Variants in MAPK8IP1 observed in about 807,000 individuals in gnomAD.
The protein encoded by MAPK8IP1 is mitogen-activated protein kinase 8 interacting protein 1.
Under a neutral mutation model 72.6 loss-of-function variants are expected in MAPK8IP1, and 17 were observed. That is an observed-to-expected ratio of 0.23 (90% CI 0.16 to 0.35). The LOEUF is 0.35. Ranked by LOEUF, MAPK8IP1 falls within the 10% of genes least tolerant of loss-of-function variation. The pLI, the probability that MAPK8IP1 is intolerant of heterozygous loss-of-function variation, is 1.00. For synonymous variants in MAPK8IP1, 401 were observed against 443.4 expected, an observed-to-expected ratio of 0.90 and a Z score of 1.20; for missense variants, 789 against 1,009.7, an observed-to-expected ratio of 0.78 and a Z score of 2.96.
Position 45,900,432 on chromosome 11 carries a change from C to T in MAPK8IP1, c.502C>T (p.Pro168Ser), listed in dbSNP as rs991127635. 2 of 1,532,356 alleles carry T rather than the reference C, an allele frequency of 1.3e-6. No homozygotes were observed. Among genetic ancestry groups the T allele is most frequent in the Admixed American group, 2.0e-5 (1 of 50,912 alleles). 94.9% of individuals were successfully genotyped at this position (1,532,356 alleles called of 1,614,324 possible). ...GCGGCCCACCACGCTCAACCTCTTT[C>T]CGCAGGTGCCGCGGTCTCAGGTGAG... ...PKRPTTLNLF[P>S]QVPRSQDTLN... Residue 168 changes from proline (P) to serine (S), a missense_variant, in exon 3 of 12, where the codon CCG becomes TCG. Around this residue, in one of 4 missense-constraint regions of MAPK8IP1, gnomAD observed 112 missense variants for 192.8 expected, o/e 0.58. Coordinates refer to ENST00000241014, the MANE Select transcript of MAPK8IP1 (RefSeq NM_005456.4). This position sits in a 1 kb window ranked among gnomAD's most constrained non-coding sequence, Gnocchi z 6.5.
At chr11:45,885,971 C>A in intron 1 of MAPK8IP1, 50 bp downstream of exon 1, 1 of 1,248,108 alleles carries the variant, frequency 8.0e-7, no homozygotes, top group Non-Finnish European at 1.1e-6. Flanking sequence ...GGGACTGATC[C>A]GCATTGGCTG....
chr11:45,905,384 C>A, intron 11 of MAPK8IP1, 135 bp downstream of exon 11: 1 of 909,280 alleles, frequency 1.1e-6, no homozygotes, highest in Non-Finnish European at 1.8e-6. Context: ...GACCCCAGTG[C>A]GGGTGGCCTG....
chr11:45,893,233 G>A (rs2086579860), intron 1 of MAPK8IP1, among the ~76,000 whole-genome samples: 2 of 147,312 alleles, frequency 1.4e-5, no homozygotes, highest in African/African-American at 5.4e-5. Context: ...AGCCTACTAC[G>A]GAGCTGAAAT....
chr11:45,893,895 G>A (rs1041412443), intron 1 of MAPK8IP1, among the ~76,000 whole-genome samples: 20 of 151,156 alleles, frequency 1.3e-4, no homozygotes, highest in African/African-American at 4.6e-4. Flanking sequence ...TCCATAAAGG[G>A]ACCCCCCAGG....
At position 45,904,897 on chromosome 11, in the gene MAPK8IP1, T is replaced by C. The variant is rs923531788; in HGVS notation, c.1893+63T>C. ...CCAAGCTCTCCCCCAAGACTTGTGA[T>C]GAAGAGGCCATCTCCTGTCACCCTC... On this transcript the variant is annotated intron_variant, in intron 9 of 11. Transcript: ENST00000241014. The surrounding 1 kb of genome is among the most constrained non-coding windows in gnomAD (Gnocchi z 6.4). The C allele has an allele frequency of 1.8e-5, 29 of 1,602,880 alleles. No homozygotes were observed. The highest frequency in any genetic ancestry group is 1.7e-4 in the Middle Eastern group (1 of 6,056).
intron 1 of MAPK8IP1, among the ~76,000 whole-genome samples, chr11:45,891,691 T>G (rs904283198): frequency 6.6e-6 from 1 of 152,248 alleles, no homozygotes; most frequent in Admixed American, 6.5e-5. Flanking sequence ...TCTTCCTGTG[T>G]GCAATATCAT....
chr11:45,891,812 TCTG>T lies in MAPK8IP1; in HGVS notation c.101+5895_101+5897del, dbSNP rs1297270105. Among the ~76,000 whole-genome samples, 4 of 152,354 alleles carry T rather than the reference TCTG, an allele frequency of 2.6e-5. No homozygotes were observed. The East Asian group carries it at 7.7e-4, about 29-fold the overall frequency. The stretch of plus-strand genomic sequence containing the variant: ...TTCCAAAAGACTGCATCACATTTCA[TCTG>T]CTGATGGCCACGATGGAACCAGCCC... On this transcript the variant is annotated intron_variant, in intron 1 of 11. Transcript: ENST00000241014.
chr11:45,903,195 A>G lies in MAPK8IP1; in HGVS notation c.1417+11A>G. ...GCTCCCGCTCCTCCAGTGAGTCAGC[A>G]AGGGGAAGCAGTGGGGTGGGGGGGT... On this transcript the variant is annotated intron_variant, in intron 5 of 11. Transcript: ENST00000241014. The surrounding 1 kb of genome is among the most constrained non-coding windows in gnomAD (Gnocchi z 6.4). 9 of 1,596,656 alleles carry G rather than the reference A, an allele frequency of 5.6e-6. No individual in the cohort carries two copies. The highest frequency in any genetic ancestry group is 7.7e-6 in the Non-Finnish European group (9 of 1,171,906).
At chr11:45,896,921 C>G in intron 1 of MAPK8IP1, 1 of 1,573,408 alleles carries the variant, frequency 6.4e-7, no homozygotes, top group Non-Finnish European at 8.6e-7. Context: ...CAGACAATGA[C>G]AGCTGGTTGG....
intron 1 of MAPK8IP1, chr11:45,896,685 G>A: frequency 7.1e-7 from 1 of 1,407,698 alleles, no homozygotes; most frequent in Non-Finnish European, 9.2e-7. Context: ...GTCGGCAGCT[G>A]CAGCCTCCTC....
intron 1 of MAPK8IP1, among the ~76,000 whole-genome samples, chr11:45,895,697 G>A (rs1349186305): frequency 6.7e-6 from 1 of 149,702 alleles, no homozygotes; most frequent in East Asian, 2.0e-4. Flanking sequence ...GGCATTTCAG[G>A]GCACCTCTGG....
chr11:45,896,748 C>A (rs938926825), intron 1 of MAPK8IP1: 9 of 1,475,790 alleles, frequency 6.1e-6, no homozygotes, highest in Non-Finnish European at 8.1e-6. Context: ...GCAGGCAGGA[C>A]GCAGAAAGAC....
Position 45,903,356 on chromosome 11 carries a change from C to T in MAPK8IP1, c.1418-9C>T. ...GACCCCCCATCCAGCCACACCACCT[C>T]ACCTGCAGGTGCTGAGTCCTTCGGG... On this transcript the variant is annotated splice_polypyrimidine_tract_variant and intron_variant, in intron 5 of 11. Transcript: ENST00000241014. The surrounding 1 kb of genome is among the most constrained non-coding windows in gnomAD (Gnocchi z 6.4). The T allele has an allele frequency of 6.2e-7, 1 of 1,613,552 alleles. No homozygotes were observed. The highest frequency in any genetic ancestry group is 8.5e-7 in the Non-Finnish European group (1 of 1,179,786).
chr11:45,886,333 G>A (rs935792183), intron 1 of MAPK8IP1, among the ~76,000 whole-genome samples: 2 of 152,202 alleles, frequency 1.3e-5, no homozygotes, highest in Non-Finnish European at 2.9e-5. Context: ...AGTTTCCTGG[G>A]GCAACGACAT....
intron 1 of MAPK8IP1, among the ~76,000 whole-genome samples, chr11:45,896,250 C>G (rs2086604222): frequency 6.6e-6 from 1 of 152,236 alleles, no homozygotes; most frequent in African/African-American, 2.4e-5. Context: ...AAGGAGGCAG[C>G]CCAGATCAAA....
chr11:45,899,352 CT>C (rs1285448388), intron 2 of MAPK8IP1, among the ~76,000 whole-genome samples: 1 of 152,272 alleles, frequency 6.6e-6, no homozygotes, highest in Non-Finnish European at 1.5e-5. Flanking sequence ...AGGTGTGCCC[CT>C]AAGGGGCCTC....
rs1237864052 is a variant in MAPK8IP1 at position 45,902,221 on chromosome 11, T to C, written c.605-151T>C. On this transcript the variant is annotated intron_variant, in intron 4 of 11. Transcript: ENST00000241014. This position sits in a 1 kb window ranked among gnomAD's most constrained non-coding sequence, Gnocchi z 9.3. ...CCAGGGGCTGAGATCAGTGGTGGCA[T>C]GAGTGAGTTGACTGGCCCCAGAGCC... The C allele has an allele frequency of 3.2e-6, 3 of 949,356 alleles. No homozygotes were observed. The highest frequency in any genetic ancestry group is 5.1e-6 in the Non-Finnish European group (3 of 590,362). 58.8% of individuals were successfully genotyped at this position (949,356 alleles called of 1,614,324 possible). A position where few individuals can be genotyped will look rare whatever the true frequency, so the allele number is the denominator to read the frequency against.
At chr11:45,896,836 G>A in intron 1 of MAPK8IP1, 1 of 1,547,722 alleles carries the variant, frequency 6.5e-7, no homozygotes, top group Non-Finnish European at 8.7e-7. Flanking sequence ...GCATGAGAGG[G>A]CAGCCCTGGG....
At chr11:45,886,366 T>C (rs1247626129) in intron 1 of MAPK8IP1, among the ~76,000 whole-genome samples, 6 of 152,290 alleles carry the variant, frequency 3.9e-5, no homozygotes, top group Admixed American at 1.3e-4. Context: ...GAGGAGGATG[T>C]TTGAGCCCCT....
Sources: gnomAD v4.1 joint callset for allele counts (sites outside exome capture counted in the v4.1 genomes callset) on GRCh38, gnomAD v4.1.1 for gene constraint, gnomAD v4.1.1 regional missense constraint, Gnocchi (gnomAD v3.1) non-coding constraint, MANE v1.5 for transcripts, NCBI Gene and HGNC (gene_info 2026-07-23, HGNC 2026-07-21) for gene names.